Variants in MFSD8 observed in about 807,000 individuals in gnomAD.
MFSD8 encodes major facilitator superfamily domain-containing protein 8.
MFSD8 carries 55 observed loss-of-function variants against 66.4 expected under a neutral mutation model. The observed-to-expected ratio is 0.83, with a 90% CI of 0.67 to 1.04. The LOEUF is 1.04. Ranked by LOEUF, MFSD8 falls within the 50% of genes least tolerant of loss-of-function variation. The pLI, the probability that MFSD8 is intolerant of heterozygous loss-of-function variation, is 0.00. For synonymous variants in MFSD8, 202 were observed against 212.8 expected (o/e 0.95, Z 0.44); for missense variants, 550 against 627.6 (o/e 0.88, Z 1.32).
At chr4:127,946,218 C>T (rs1741009547) in intron 3 of MFSD8, among the ~76,000 whole-genome samples, 1 of 152,092 alleles carries the variant, frequency 6.6e-6, no homozygotes, top group Non-Finnish European at 1.5e-5. Context: ...TGAGTCACAG[C>T]ACTGGGCCTG....
rs771730847 is a variant in MFSD8 at position 127,965,164 on chromosome 4, C to G, written c.-31G>C. 14 of 1,613,270 alleles carry G rather than the reference C, an allele frequency of 8.7e-6. No homozygotes were observed. The highest frequency in any genetic ancestry group is 1.1e-5 in the Non-Finnish European group (13 of 1,179,772). ...CACTCCCTACAAGGCGTCTTGCGCC[C>G]AACTCTCGCGACACCTGCTTTCTCC... On this transcript the variant is annotated 5_prime_UTR_variant, in exon 1 of 12. Transcript: ENST00000641686.
chr4:127,961,164 T>C (rs1743676023), intron 1 of MFSD8, among the ~76,000 whole-genome samples: 1 of 152,170 alleles, frequency 6.6e-6, no homozygotes, highest in Non-Finnish European at 1.5e-5. Flanking sequence ...GACCTAGACA[T>C]GTTTGTGCAA....
At chr4:127,934,013 T>C (rs1020172811) in intron 7 of MFSD8, among the ~76,000 whole-genome samples, 6 of 152,110 alleles carry the variant, frequency 3.9e-5, no homozygotes, top group African/African-American at 1.4e-4. Flanking sequence ...CCAGTGCAGG[T>C]GGATCACCTG....
Position 127,942,161 on chromosome 4 carries a change from T to C in MFSD8, c.440-3A>G, listed in dbSNP as rs755062322. 6.3e-7 allele frequency: 1 copy of C among 1,596,548 alleles called. No homozygotes were observed. The highest frequency in any genetic ancestry group is 1.3e-5 in the African/African-American group (1 of 74,552). ...TGATCTAACAACTGCTACATTTCCT[T>C]AAAAACAAGACACAATAATCCAAAG... On this transcript the variant is annotated splice_polypyrimidine_tract_variant and splice_region_variant and intron_variant, in intron 4 of 11. Transcript: ENST00000641686.
intron 1 of MFSD8, among the ~76,000 whole-genome samples, chr4:127,962,832 A>G (rs1352193093): frequency 6.6e-6 from 1 of 152,218 alleles, no homozygotes; most frequent in African/African-American, 2.4e-5. Flanking sequence ...ATAAAACTGC[A>G]TTGCATAAAC....
chr4:127,936,740 C>T (rs1402576585), intron 7 of MFSD8, among the ~76,000 whole-genome samples: 4 of 151,812 alleles, frequency 2.6e-5, no homozygotes, highest in Non-Finnish European at 4.4e-5. Flanking sequence ...GAAGCAACAT[C>T]CTGTGTTTTA....
chr4:127,952,094 A>C (rs1227532143), intron 2 of MFSD8, among the ~76,000 whole-genome samples: 2 of 152,032 alleles, frequency 1.3e-5, no homozygotes, highest in East Asian at 1.9e-4. Context: ...CCCTATTTTA[A>C]AACATAATTT....
At chr4:127,932,305 T>C (rs1409501618) in intron 8 of MFSD8, 1 of 152,114 alleles carries the variant, frequency 6.6e-6, no homozygotes, top group East Asian at 1.9e-4. Flanking sequence ...ATAAACCAAG[T>C]TGTCAAATGA....
intron 9 of MFSD8, among the ~76,000 whole-genome samples, chr4:127,925,983 G>C (rs1198662241): frequency 6.6e-6 from 1 of 151,424 alleles, no homozygotes; most frequent in Non-Finnish European, 1.5e-5. Flanking sequence ...GCAAACACAG[G>C]AACAGAAAAA....
intron 9 of MFSD8, among the ~76,000 whole-genome samples, chr4:127,928,210 C>A (rs1386857774): frequency 6.6e-6 from 1 of 152,120 alleles, no homozygotes; most frequent in African/African-American, 2.4e-5. Context: ...TGCCACCACA[C>A]CCTCTATTTT....
At chr4:127,943,082 T>C (rs1026206471) in intron 4 of MFSD8, among the ~76,000 whole-genome samples, 28 of 151,990 alleles carry the variant, frequency 1.8e-4, no homozygotes, top group African/African-American at 6.5e-4. Context: ...CCAGGTGCAG[T>C]GGCAGACGCC....
At chr4:127,927,827 C>T (rs1443609983) in intron 9 of MFSD8, among the ~76,000 whole-genome samples, 2 of 152,066 alleles carry the variant, frequency 1.3e-5, no homozygotes, top group African/African-American at 4.8e-5. Flanking sequence ...GCTGGGACTA[C>T]AGGCGTGCTC....
chr4:127,932,653 T>A (rs1738347181), intron 8 of MFSD8: 2 of 211,882 alleles, frequency 9.4e-6, no homozygotes, highest in South Asian at 1.5e-4. Flanking sequence ...TATATATACA[T>A]ATATGTAGGA....
chr4:127,947,898 A>ACACACACACACACTCT lies in MFSD8; in HGVS notation c.198+1905_198+1906insAGAGTGTGTGTGTGTG, dbSNP rs777137519. Among the ~76,000 whole-genome samples the ACACACACACACACTCT allele has an allele frequency of 1.4e-4, 20 of 146,940 alleles. No individual in the cohort carries two copies. In the East Asian group the frequency reaches 2.2e-3, roughly 16 times the overall value. ...CACACACACACACACACACACACAC[A>ACACACACACACACTCT]CTCTCTCTCCAACCTCATAGAAAAA... On this transcript the variant is annotated intron_variant, in intron 3 of 11. Coordinates refer to ENST00000641686, the MANE Select transcript of MFSD8 (RefSeq NM_001371596.2).
chr4:127,965,474 T>C (rs79037967), upstream of MFSD8: 861 of 438,274 alleles, frequency 2.0e-3, 11 homozygotes, highest in African/African-American at 0.016. Context: ...GTATCTAGCA[T>C]TTCGGTTCCT....
At chr4:127,941,248 T>C (rs896645665) in intron 5 of MFSD8, among the ~76,000 whole-genome samples, 1 of 152,204 alleles carries the variant, frequency 6.6e-6, no homozygotes, top group African/African-American at 2.4e-5. Context: ...TTGAGCCTTT[T>C]CTTTTTGGCT....
intron 6 of MFSD8, 35 bp downstream of exon 6, chr4:127,939,818 C>T (rs1244788031): frequency 6.3e-7 from 1 of 1,582,328 alleles, no homozygotes; most frequent in Non-Finnish European, 8.7e-7. Flanking sequence ...ATTTCACAAT[C>T]TACAAAAATA....
chr4:127,939,716 C>G (rs1033691065), intron 6 of MFSD8, 137 bp downstream of exon 6: 2 of 904,082 alleles, frequency 2.2e-6, no homozygotes, highest in Non-Finnish European at 3.2e-6. Context: ...TTTAGTACTA[C>G]CTGACCAAAA....
At chr4:127,954,577 T>C (rs1350775239) in intron 2 of MFSD8, among the ~76,000 whole-genome samples, 1 of 152,092 alleles carries the variant, frequency 6.6e-6, no homozygotes, top group East Asian at 1.9e-4. Flanking sequence ...GATAGTGCCA[T>C]TGCACTCCAA....
Sources: gnomAD v4.1 joint callset for allele counts (sites outside exome capture counted in the v4.1 genomes callset) on GRCh38, gnomAD v4.1.1 for gene constraint, MANE v1.5 for transcripts, NCBI Gene and HGNC (gene_info 2026-07-23, HGNC 2026-07-21) for gene names.